The following DAPK2 variants were observed in gnomAD, a reference collection of about 807,000 sequenced individuals.
The protein encoded by DAPK2 is death associated protein kinase 2.
A neutral mutation model predicts 44.1 loss-of-function variants in DAPK2; 35 were observed. The ratio of observed to expected loss-of-function variants is 0.79; its 90% CI spans 0.61 to 1.05. The LOEUF (loss-of-function observed/expected upper bound fraction) is 1.05, where lower values mean the gene tolerates loss of function less well. DAPK2 is among the 50% of genes least tolerant of loss of function. DAPK2 has a pLI of 0.00. For missense variants in DAPK2, 453 were observed against 483.2 expected (o/e 0.94, Z 0.59); for synonymous variants, 174 against 182.6 (o/e 0.95, Z 0.38).
chr15:64,045,284 T>A (rs1169150786), intron 1 of DAPK2, among the ~76,000 whole-genome samples: 1 of 152,128 alleles, frequency 6.6e-6, no homozygotes, highest in Non-Finnish European at 1.5e-5. Context: ...CACTTGAGGG[T>A]GCTCAAAAAA....
intron 1 of DAPK2, 75 bp downstream of exon 2, chr15:64,040,093 ACC>A: frequency 8.4e-7 from 1 of 1,197,274 alleles, no homozygotes; most frequent in Non-Finnish European, 1.2e-6. Context: ...GCCTTCCAAC[ACC>A]AACTGACAAC....
chr15:63,928,746 A>G (rs1270185247), intron 6 of DAPK2, among the ~76,000 whole-genome samples: 3 of 152,190 alleles, frequency 2.0e-5, no homozygotes, highest in Non-Finnish European at 4.4e-5. Context: ...CTATGCAGGA[A>G]ATCTCTGTCT....
upstream of DAPK2, among the ~76,000 whole-genome samples, chr15:64,043,003 C>T (rs1300450248): frequency 1.3e-5 from 2 of 152,192 alleles, no homozygotes; most frequent in African/African-American, 4.8e-5. Context: ...TATGTCTAAC[C>T]CAGAGGGAGA....
chr15:63,922,552 G>C, intron 8 of DAPK2: 4 of 1,392,424 alleles, frequency 2.9e-6, no homozygotes, highest in Non-Finnish European at 3.7e-6. Context: ...AGATTGGTGA[G>C]GGGAGGTGCA....
intron 1 of DAPK2, among the ~76,000 whole-genome samples, chr15:63,987,249 G>C (rs1284239367): frequency 2.0e-5 from 3 of 152,146 alleles, no homozygotes; most frequent in African/African-American, 7.2e-5. Flanking sequence ...GCAGGTGACA[G>C]CAACAGGCCT....
chr15:64,034,754 A>G (rs2080130253), intron 1 of DAPK2, among the ~76,000 whole-genome samples: 1 of 152,204 alleles, frequency 6.6e-6, no homozygotes, highest in Admixed American at 6.5e-5. Flanking sequence ...CCTTAAACAA[A>G]TCACCTCCCC....
chr15:63,993,423 A>G (rs1044315357), intron 1 of DAPK2, among the ~76,000 whole-genome samples: 4 of 151,448 alleles, frequency 2.6e-5, no homozygotes, highest in African/African-American at 7.3e-5. Flanking sequence ...GATGGTGTAC[A>G]AATCATAACC....
rs147314113 is a variant in DAPK2, at chr15:64,017,559, C to A, written c.92+22611G>T. Among the ~76,000 whole-genome samples the A allele has an allele frequency of 5.6e-4, 86 of 152,356 alleles. 2 individuals are homozygous for A. The East Asian group carries it at 0.014, about 26-fold the overall frequency. On this transcript the variant is annotated intron_variant, in intron 1 of 10. Transcript: ENST00000261891. ...TCCACACCTTAACAGGTGCAAACCTCCCTGCTTTCGCTGGTCTGGAGTCAG... is the reference window on the plus strand; with the variant it reads ...TCCACACCTTAACAGGTGCAAACCTACCTGCTTTCGCTGGTCTGGAGTCAG...
chr15:63,929,868 C>T (rs1165229206), intron 5 of DAPK2: 1 of 577,778 alleles, frequency 1.7e-6, no homozygotes, highest in Non-Finnish European at 3.3e-6. Context: ...GGAGCCCTTC[C>T]CCCCTTGTAA....
intron 1 of DAPK2, among the ~76,000 whole-genome samples, chr15:64,021,447 C>G (rs114737398): frequency 6.6e-6 from 1 of 152,178 alleles, no homozygotes; most frequent in Admixed American, 6.5e-5. Flanking sequence ...TCTACCTTCT[C>G]CTGGGCTTGT....
intron 1 of DAPK2, among the ~76,000 whole-genome samples, chr15:64,021,544 C>T (rs1352304757): frequency 6.6e-6 from 1 of 152,222 alleles, no homozygotes; most frequent in Non-Finnish European, 1.5e-5. Context: ...TGAGTGCCTA[C>T]TGTGGATCCA....
At chr15:63,984,714 A>G (rs1233080660) in intron 1 of DAPK2, among the ~76,000 whole-genome samples, 2 of 152,070 alleles carry the variant, frequency 1.3e-5, no homozygotes, top group Non-Finnish European at 2.9e-5. Flanking sequence ...GTAACTCAGA[A>G]AGTTTTCTGG....
intron 4 of DAPK2, among the ~76,000 whole-genome samples, chr15:63,936,798 A>G (rs1357454916): frequency 6.6e-6 from 1 of 151,670 alleles, no homozygotes. Flanking sequence ...TGGGCAATAT[A>G]GTGAGACCCC....
At chr15:64,039,254 T>C (rs919160912) in intron 1 of DAPK2, among the ~76,000 whole-genome samples, 1 of 152,248 alleles carries the variant, frequency 6.6e-6, no homozygotes, top group East Asian at 1.9e-4. Flanking sequence ...GTTTTCATGC[T>C]GCGCTGTGTG....
At chr15:63,962,005 C>T (rs2077914945) in intron 3 of DAPK2, among the ~76,000 whole-genome samples, 1 of 152,202 alleles carries the variant, frequency 6.6e-6, no homozygotes, top group South Asian at 2.1e-4. Context: ...TTGGTCTTTT[C>T]ACGTAGTCCA....
chr15:64,042,353 GA>G (rs879834009), upstream of DAPK2, among the ~76,000 whole-genome samples: 21 of 149,580 alleles, frequency 1.4e-4, no homozygotes, highest in African/African-American at 2.9e-4. The surrounding 1 kb of genome is among the most constrained non-coding windows in gnomAD (Gnocchi z 4.7). Flanking sequence ...CTTTTCAATG[GA>G]AAAAAAAAAT....
At chr15:63,940,941 T>C (rs1214642711) in intron 3 of DAPK2, among the ~76,000 whole-genome samples, 2 of 151,908 alleles carry the variant, frequency 1.3e-5, no homozygotes, top group Non-Finnish European at 2.9e-5. Flanking sequence ...AGATGGGGAG[T>C]ACAAGGTTTC....
chr15:64,002,956 G>GTCGGGGGACC (rs2079127182), intron 1 of DAPK2, among the ~76,000 whole-genome samples: 2 of 120,948 alleles, frequency 1.7e-5, no homozygotes, highest in Non-Finnish European at 1.7e-5. Flanking sequence ...GTGTGTGTGT[G>GTCGGGGGACC]TGTGTGTGTC....
intron 6 of DAPK2, chr15:63,928,257 G>C (rs567639479): frequency 6.6e-6 from 1 of 152,642 alleles, no homozygotes; most frequent in East Asian, 1.9e-4. Context: ...TAAAAGCTCT[G>C]CTGTGCAGCC....
Sources: gnomAD v4.1 joint callset for allele counts (sites outside exome capture counted in the v4.1 genomes callset) on GRCh38, gnomAD v4.1.1 for gene constraint, Gnocchi (gnomAD v3.1) non-coding constraint, MANE v1.5 for transcripts, NCBI Gene and HGNC (gene_info 2026-07-23, HGNC 2026-07-21) for gene names.